SAMD12: variants seen among roughly 807,000 people sequenced by gnomAD.
The protein encoded by SAMD12 is sterile alpha motif domain-containing protein 12.
In SAMD12, 9 loss-of-function variants were observed where a neutral mutation model predicts 15.0. The observed-to-expected ratio is 0.60, with a 90% CI of 0.36 to 1.05. The LOEUF (loss-of-function observed/expected upper bound fraction) is 1.05, where lower values mean the gene tolerates loss of function less well. SAMD12 is among the 50% of genes least tolerant of loss of function. SAMD12 has a pLI of 0.01. For synonymous variants in SAMD12, 86 were observed against 90.1 expected, an observed-to-expected ratio of 0.96 and a Z score of 0.25; for missense variants, 230 against 234.2, an observed-to-expected ratio of 0.98 and a Z score of 0.12.
chr8:118,550,803 A>G (rs867793631), intron 2 of SAMD12, among the ~76,000 whole-genome samples: 1 of 151,650 alleles, frequency 6.6e-6, no homozygotes, highest in Non-Finnish European at 1.5e-5. Flanking sequence ...GCAGAGACAC[A>G]CATAGGCTTA....
chr8:118,524,648 A>G (rs1390480731), intron 2 of SAMD12, among the ~76,000 whole-genome samples: 1 of 152,144 alleles, frequency 6.6e-6, no homozygotes, highest in African/African-American at 2.4e-5. Context: ...CCAACTAAGA[A>G]TGTCTTAAAG....
At chr8:118,431,504 T>C (rs911582233) in intron 3 of SAMD12, among the ~76,000 whole-genome samples, 3 of 152,168 alleles carry the variant, frequency 2.0e-5, no homozygotes. Flanking sequence ...AATAATTTTA[T>C]TGGATATAGA....
the SAMD12 span, among the ~76,000 whole-genome samples, chr8:118,134,254 G>T: frequency 6.6e-6 from 1 of 152,126 alleles, no homozygotes; most frequent in Non-Finnish European, 1.5e-5. Context: ...TGGATAACAC[G>T]CCTGGGAAAG....
At chr8:118,384,593 G>C (rs1819847855) in intron 3 of SAMD12, among the ~76,000 whole-genome samples, 1 of 152,158 alleles carries the variant, frequency 6.6e-6, no homozygotes, top group African/African-American at 2.4e-5. Context: ...AGCCACCAAT[G>C]GCTGGAGGCA....
chr8:118,170,304 A>C, the SAMD12 span, among the ~76,000 whole-genome samples: 1 of 152,178 alleles, frequency 6.6e-6, no homozygotes, highest in African/African-American at 2.4e-5. Flanking sequence ...TAGATATATT[A>C]GTTTAATATT....
intron 3 of SAMD12, among the ~76,000 whole-genome samples, chr8:118,416,359 C>A (rs1395285921): frequency 6.6e-6 from 1 of 152,100 alleles, no homozygotes; most frequent in Non-Finnish European, 1.5e-5. Flanking sequence ...GGCATCAACT[C>A]TTTTTTTCAG....
At chr8:118,574,225 T>C (rs79504962) in intron 2 of SAMD12, among the ~76,000 whole-genome samples, 2 of 152,242 alleles carry the variant, frequency 1.3e-5, no homozygotes, top group East Asian at 3.9e-4. Flanking sequence ...TTTGGGTGGA[T>C]AAACTCAAAT....
chr8:118,197,458 A>G, exon 5 of SAMD12: 1 of 567,340 alleles, frequency 1.8e-6, no homozygotes, highest in Non-Finnish European at 3.1e-6. Flanking sequence ...GCAATTTTCC[A>G]GCTAATGGTC....
intron 2 of SAMD12, among the ~76,000 whole-genome samples, chr8:118,536,443 AACACACAC>A (rs1165508519): frequency 1.2e-4 from 17 of 140,872 alleles, no homozygotes; most frequent in East Asian, 2.3e-4. Flanking sequence ...CTGATACACA[AACACACAC>A]ACACACACAC....
At chr8:118,469,515 T>TA (rs1164158970) in intron 2 of SAMD12, among the ~76,000 whole-genome samples, 2 of 122 alleles carry the variant, frequency 0.016, no homozygotes, top group African/African-American at 0.031. Context: ...ATATAATATA[T>TA]AATATATATA....
intron 2 of SAMD12, among the ~76,000 whole-genome samples, chr8:118,505,259 C>T (rs1464781112): frequency 6.6e-6 from 1 of 151,954 alleles, no homozygotes; most frequent in Non-Finnish European, 1.5e-5. Flanking sequence ...CTTTGTTCTG[C>T]TGTTATTCAG....
At chr8:118,428,390 C>T (rs548008688) in intron 3 of SAMD12, among the ~76,000 whole-genome samples, 146 of 137,302 alleles carry the variant, frequency 1.1e-3, no homozygotes, top group African/African-American at 3.6e-3. Flanking sequence ...CAGAGCAAGA[C>T]GCTGTCTCAA....
intron 1 of SAMD12, chr8:118,620,933 A>AAT (rs896791879): frequency 1.6e-4 from 24 of 152,178 alleles, no homozygotes; most frequent in African/African-American, 5.8e-4. Flanking sequence ...CTTGACCTCT[A>AAT]ATGTGACATC....
chr8:118,519,956 G>T (rs1361783636), intron 2 of SAMD12, among the ~76,000 whole-genome samples: 4 of 152,136 alleles, frequency 2.6e-5, no homozygotes, highest in African/African-American at 9.7e-5. Flanking sequence ...TTACGTTGGT[G>T]CTTCCATAAG....
chr8:118,485,880 T>C (rs1318548376), intron 2 of SAMD12, among the ~76,000 whole-genome samples: 1 of 152,186 alleles, frequency 6.6e-6, no homozygotes. Context: ...AGAATCACTA[T>C]GGGATAGAAT....
the SAMD12 span, among the ~76,000 whole-genome samples, chr8:118,176,527 G>A: frequency 6.6e-6 from 1 of 152,160 alleles, no homozygotes; most frequent in Non-Finnish European, 1.5e-5. Context: ...CATGCATGGA[G>A]CTGGAGGCCA....
chr8:118,290,523 A>T (rs1401619354), intron 4 of SAMD12, among the ~76,000 whole-genome samples: 1 of 152,210 alleles, frequency 6.6e-6, no homozygotes, highest in African/African-American at 2.4e-5. Context: ...AAGCCAAGAA[A>T]TCATATTAAC....
chr8:118,340,072 T>G (rs1419124549), intron 4 of SAMD12, among the ~76,000 whole-genome samples: 1 of 152,234 alleles, frequency 6.6e-6, no homozygotes. Context: ...AAACATTTAC[T>G]GAGAGCTGGA....
chr8:118,554,046 C>T (rs867671160), intron 2 of SAMD12, among the ~76,000 whole-genome samples: 13 of 151,914 alleles, frequency 8.6e-5, no homozygotes, highest in South Asian at 2.1e-4. Flanking sequence ...GGTGCTGGAG[C>T]GGATGTGGAG....
Sources: allele counts gnomAD v4.1 joint callset (sites outside exome capture counted in the v4.1 genomes callset), GRCh38; gene constraint gnomAD v4.1.1; transcripts MANE v1.5; gene names NCBI Gene and HGNC (gene_info 2026-07-23, HGNC 2026-07-21).